The following ZMYND8 variants were observed in gnomAD, a reference collection of about 807,000 sequenced individuals.
ZMYND8 encodes zinc finger MYND-type containing 8.
ZMYND8 carries 37 observed loss-of-function variants against 140.8 expected under a neutral mutation model. That is an observed-to-expected ratio of 0.26 (90% CI 0.20 to 0.35). The LOEUF is 0.35. Ranked by LOEUF, ZMYND8 falls within the 10% of genes least tolerant of loss-of-function variation. The pLI, the probability that ZMYND8 is intolerant of heterozygous loss-of-function variation, is 1.00. For missense variants in ZMYND8, 1,068 were observed against 1,570.0 expected (o/e 0.68, Z 5.40); for synonymous variants, 592 against 597.1 (o/e 0.99, Z 0.12).
At chr20:47,333,420 G>A (rs183351926) in intron 2 of ZMYND8, among the ~76,000 whole-genome samples, 1 of 151,838 alleles carries the variant, frequency 6.6e-6, no homozygotes, top group East Asian at 2.0e-4. Context: ...TGGCCAACAG[G>A]TGAAACCCCG....
At chr20:47,286,649 T>C (rs911506225) in intron 8 of ZMYND8, among the ~76,000 whole-genome samples, 1 of 152,244 alleles carries the variant, frequency 6.6e-6, no homozygotes, top group African/African-American at 2.4e-5. Context: ...CTCATTTTTT[T>C]ATTCTCACAA....
intron 2 of ZMYND8, among the ~76,000 whole-genome samples, chr20:47,326,161 T>C (rs1425428482): frequency 2.6e-5 from 4 of 152,218 alleles, no homozygotes; most frequent in African/African-American, 9.6e-5. Flanking sequence ...GGTTTCACCA[T>C]GTTGGCCAGG....
chr20:47,226,955 C>G (rs1006378915), intron 18 of ZMYND8, among the ~76,000 whole-genome samples: 1 of 152,162 alleles, frequency 6.6e-6, no homozygotes, highest in South Asian at 2.1e-4. Context: ...AGCTGCCGTG[C>G]CTGACCAATC....
At position 47,241,067 on chromosome 20, in the gene ZMYND8, G is replaced by A. The variant is rs571536276; in HGVS notation, c.2285-1929C>T. ...TCCCAGCACTTTGGGAGGCCGAGGC[G>A]GGCAGATCACGAAGTCAGGAGTTCG... On this transcript the variant is annotated intron_variant, in intron 14 of 22. Transcript: ENST00000471951. Among the ~76,000 whole-genome samples, 23 of 151,822 alleles carry A rather than the reference G, an allele frequency of 1.5e-4. No individual in the cohort carries two copies. The East Asian group carries it at 4.0e-3, about 26-fold the overall frequency.
intron 11 of ZMYND8, 38 bp downstream of exon 11, chr20:47,276,276 C>T: frequency 6.7e-7 from 1 of 1,497,082 alleles, no homozygotes; most frequent in Middle Eastern, 2.3e-4. Context: ...CCCCCGTGTC[C>T]AAGGGGCCTC....
chr20:47,283,763 C>T, intron 8 of ZMYND8, 115 bp from the exon 9 acceptor site: 3 of 1,013,216 alleles, frequency 3.0e-6, no homozygotes, highest in Non-Finnish European at 4.4e-6. Context: ...ATAGAGGGAA[C>T]ACCTTGGAGA....
At chr20:47,232,788 C>T (rs1417884912) in intron 16 of ZMYND8, among the ~76,000 whole-genome samples, 1 of 152,182 alleles carries the variant, frequency 6.6e-6, no homozygotes, top group Non-Finnish European at 1.5e-5. Context: ...GAAAAAATTA[C>T]CCGCTTTCAA....
At chr20:47,235,576 G>A (rs575460896) in intron 16 of ZMYND8, among the ~76,000 whole-genome samples, 19 of 152,130 alleles carry the variant, frequency 1.2e-4, no homozygotes, top group Admixed American at 8.5e-4. Context: ...GCATGGTGGC[G>A]CGTGCCTGTA....
chr20:47,304,295 C>T (rs1354627411), intron 3 of ZMYND8, among the ~76,000 whole-genome samples: 1 of 152,188 alleles, frequency 6.6e-6, no homozygotes, highest in Admixed American at 6.5e-5. Flanking sequence ...TCAATGATAC[C>T]AGGAACCGGC....
At chr20:47,223,669 A>C (rs960912263) in intron 19 of ZMYND8, among the ~76,000 whole-genome samples, 3 of 151,712 alleles carry the variant, frequency 2.0e-5, no homozygotes, top group South Asian at 2.1e-4. Flanking sequence ...TACTAAAAAT[A>C]CTAAAAATTA....
intron 11 of ZMYND8, among the ~76,000 whole-genome samples, chr20:47,270,640 C>G (rs1347659897): frequency 1.5e-5 from 2 of 137,550 alleles, no homozygotes; most frequent in East Asian, 4.4e-4. Flanking sequence ...GCGGGAGGAT[C>G]GCTTAAGCCC....
At chr20:47,324,898 G>A (rs2080283754) in intron 2 of ZMYND8, among the ~76,000 whole-genome samples, 1 of 152,084 alleles carries the variant, frequency 6.6e-6, no homozygotes, top group Non-Finnish European at 1.5e-5. Flanking sequence ...ATATATAGGT[G>A]AAAATTATTT....
In ZMYND8 at chr20:47,221,486, G is replaced by C. The variant is rs760501117; in HGVS notation, c.3257-12C>G. ...CTGAGGAGCAGTAGCTGGGGACAAA[G>C]GAGAGAGAGAGACGCCACATATACA... On this transcript the variant is annotated splice_polypyrimidine_tract_variant and intron_variant, in intron 19 of 22. Transcript: ENST00000471951. The C allele has an allele frequency of 8.1e-6, 13 of 1,612,716 alleles. No individual in the cohort carries two copies. The highest frequency in any genetic ancestry group is 2.2e-5 in the South Asian group (2 of 90,992).
At chr20:47,255,572 G>C (rs2074542965) in intron 12 of ZMYND8, among the ~76,000 whole-genome samples, 1 of 43,976 alleles carries the variant, frequency 2.3e-5, no homozygotes. Flanking sequence ...GTGTGTGTGT[G>C]TGTGTGTGTG....
At chr20:47,221,669 T>G (rs949355334) in intron 19 of ZMYND8, among the ~76,000 whole-genome samples, 195 bp from the exon 20 acceptor site, 6 of 152,176 alleles carry the variant, frequency 3.9e-5, no homozygotes, top group Non-Finnish European at 7.4e-5. Flanking sequence ...ATTCCAAATT[T>G]TAACATAAAC....
At chr20:47,334,605 A>T (rs188754358) in intron 2 of ZMYND8, among the ~76,000 whole-genome samples, 6,205 of 141,622 alleles carry the variant, frequency 0.044, 167 homozygotes, top group Middle Eastern at 0.067. Flanking sequence ...GAAAAAAAAA[A>T]ATATATATAT....
chr20:47,354,450 G>A (rs2083051804), intron 1 of ZMYND8: 1 of 152,190 alleles, frequency 6.6e-6, no homozygotes, highest in Non-Finnish European at 1.5e-5. Flanking sequence ...GAAAATAGCT[G>A]AGTGTCTGAA....
At chr20:47,352,341 TA>T in intron 1 of ZMYND8, 1 of 596,738 alleles carries the variant, frequency 1.7e-6, no homozygotes. Flanking sequence ...AGGCTGTTTA[TA>T]AGCCTGCAAA....
intron 2 of ZMYND8, among the ~76,000 whole-genome samples, chr20:47,312,559 T>C (rs2148242118): frequency 6.6e-6 from 1 of 151,958 alleles, no homozygotes; most frequent in East Asian, 1.9e-4. Flanking sequence ...AGCTAGTTAG[T>C]GGGAAAACTC....
Sources: allele counts gnomAD v4.1 joint callset (sites outside exome capture counted in the v4.1 genomes callset), GRCh38; gene constraint gnomAD v4.1.1; transcripts MANE v1.5; gene names NCBI Gene and HGNC (gene_info 2026-07-23, HGNC 2026-07-21).